Variants in SLAMF1 observed in about 807,000 individuals in gnomAD.
SLAMF1 encodes the protein signaling lymphocytic activation molecule.
A neutral mutation model predicts 35.1 loss-of-function variants in SLAMF1; 18 were observed. The observed-to-expected ratio is 0.51, with a 90% CI of 0.35 to 0.76. The LOEUF (loss-of-function observed/expected upper bound fraction) is 0.76. SLAMF1 is among the 30% of genes least tolerant of loss of function. The pLI is 0.01. For synonymous variants in SLAMF1, 168 were observed against 157.2 expected (o/e 1.07, Z -0.51); for missense variants, 392 against 413.0 (o/e 0.95, Z 0.44).
At chr1:160,641,409 G>A (rs1047389539) in intron 1 of SLAMF1, among the ~76,000 whole-genome samples, 1 of 151,930 alleles carries the variant, frequency 6.6e-6, no homozygotes, top group African/African-American at 2.4e-5. Context: ...TTCAGAACTT[G>A]GAGTTGATTG....
chr1:160,631,684 G>T (rs189919856), intron 3 of SLAMF1, among the ~76,000 whole-genome samples: 83 of 152,178 alleles, frequency 5.5e-4, no homozygotes, highest in African/African-American at 1.9e-3. Flanking sequence ...GAGAGAGAGA[G>T]ATCAGGGTGT....
At chr1:160,613,443 C>G (rs12402523) in intron 5 of SLAMF1, among the ~76,000 whole-genome samples, 1 of 152,108 alleles carries the variant, frequency 6.6e-6, no homozygotes, top group Admixed American at 6.5e-5. Context: ...TTACTTTGAA[C>G]GAATTAAAAT....
chr1:160,613,863 A>G (rs1659141976), intron 5 of SLAMF1, among the ~76,000 whole-genome samples: 1 of 152,272 alleles, frequency 6.6e-6, no homozygotes, highest in Non-Finnish European at 1.5e-5. Flanking sequence ...TTCTAATGGT[A>G]AAAGATGTTC....
At position 160,622,855 on chromosome 1, in the gene SLAMF1, G is replaced by C. The variant is rs532297574; in HGVS notation, c.790+1241C>G. Among the ~76,000 whole-genome samples the C allele has an allele frequency of 2.6e-5, 4 of 152,294 alleles. No individual in the cohort carries two copies. In the South Asian group the frequency reaches 8.3e-4, roughly 32 times the overall value. On this transcript the variant is annotated intron_variant, in intron 4 of 6. Transcript: ENST00000302035. ...GTCATGAAATTGAAAAGCCTTCAGCGTCAGGCTGCATTCTGATGATTATAG... is the reference window on the plus strand; with the variant it reads ...GTCATGAAATTGAAAAGCCTTCAGCCTCAGGCTGCATTCTGATGATTATAG...
Position 160,637,540 on chromosome 1 carries a change from G to C in SLAMF1, c.77-11C>G. 1.3e-6 allele frequency: 2 copies of C among 1,588,292 alleles called. No individual in the cohort carries two copies. The highest frequency in any genetic ancestry group is 4.5e-5 in the East Asian group (2 of 44,680). The stretch of plus-strand genomic sequence containing the variant: ...TCATCATGCGCCCACCTGTGGGAGG[G>C]AGGAGAAGAGAGTCCCTTATTATTA... On this transcript the variant is annotated splice_polypyrimidine_tract_variant and intron_variant, in intron 1 of 6. Coordinates refer to ENST00000302035, the MANE Select transcript of SLAMF1 (RefSeq NM_003037.5).
rs1015034227 is a variant in SLAMF1 at position 160,638,946 on chromosome 1, G to A, written c.77-1417C>T. Among the ~76,000 whole-genome samples, 7 of 152,072 alleles carry A rather than the reference G, an allele frequency of 4.6e-5. No individual in the cohort carries two copies. The South Asian group carries it at 6.2e-4, about 14-fold the overall frequency. On this transcript the variant is annotated intron_variant, in intron 1 of 6. Transcript: ENST00000302035. Reference sequence around the variant, plus strand: ...TAAATACTGGAGCATCTCAGTACTCGGAGTTCTCATTCTCATCCACACTCA... The same window carrying A: ...TAAATACTGGAGCATCTCAGTACTCAGAGTTCTCATTCTCATCCACACTCA...
intron 2 of SLAMF1, among the ~76,000 whole-genome samples, chr1:160,635,983 C>T (rs1380081549): frequency 2.6e-5 from 4 of 152,188 alleles, no homozygotes; most frequent in East Asian, 3.8e-4. Context: ...CTCACAGCTT[C>T]TAAGTGGCCA....
At chr1:160,633,153 C>G (rs1187958234) in intron 3 of SLAMF1, among the ~76,000 whole-genome samples, 1 of 152,176 alleles carries the variant, frequency 6.6e-6, no homozygotes, top group Non-Finnish European at 1.5e-5. Context: ...GTAAGCTACC[C>G]ACTATGCTGC....
Position 160,634,639 on chromosome 1 carries a change from C to G in SLAMF1, c.674G>C (p.Trp225Ser). 1 of 1,612,112 alleles carries G rather than the reference C, an allele frequency of 6.2e-7. No homozygotes were observed. Among genetic ancestry groups the G allele is most frequent in the Non-Finnish European group, 8.5e-7 (1 of 1,178,742 alleles). Reference sequence around the variant, plus strand: ...TGAGGGGTCTGTCCTGCATCCGGGCCACGGGCTGAAGGTCTGGGAATTGTT... The same window carrying G: ...TGAGGGGTCTGTCCTGCATCCGGGCGACGGGCTGAAGGTCTGGGAATTGTT... ...ISNNSQTFSPWPGCRTDPSET... is the reference protein window; with the variant it reads ...ISNNSQTFSPSPGCRTDPSET... The change falls in exon 3 of 7, where the codon TGG (tryptophan) becomes TCG (serine). Residue 225 changes from tryptophan to serine, a missense_variant. By Grantham distance (177) the Trp-to-Ser change is radical. Transcript: ENST00000302035.
At chr1:160,624,301 G>A in intron 3 of SLAMF1, 116 bp from the exon 4 acceptor site, 1 of 769,570 alleles carries the variant, frequency 1.3e-6, no homozygotes, top group South Asian at 1.6e-5. Flanking sequence ...TCTCCCAAGG[G>A]AGACGTTTGT....
chr1:160,610,933 G>A, intron 6 of SLAMF1, 135 bp from the exon 7 acceptor site: 2 of 701,674 alleles, frequency 2.9e-6, no homozygotes, highest in Non-Finnish European at 2.5e-6. Context: ...CACAGACAGG[G>A]CCTTGCTGGG....
In SLAMF1 at chr1:160,632,852, A is replaced by G. The variant is rs79951450; in HGVS notation, c.700+1761T>C. On this transcript the variant is annotated intron_variant, in intron 3 of 6. Transcript: ENST00000302035. ...TGCTTTATCTCTTTCACTAATGCCT[A>G]TGAGGCTTCCAGAATCAGAAAGCCT... 2.0e-3 allele frequency among the ~76,000 whole-genome samples: 299 copies of G among 152,296 alleles called. 7 individuals carry two copies. The East Asian group carries it at 0.054, about 27-fold the overall frequency.
At chr1:160,622,774 T>A (rs1558006330) in intron 4 of SLAMF1, among the ~76,000 whole-genome samples, 1 of 152,346 alleles carries the variant, frequency 6.6e-6, no homozygotes, top group South Asian at 2.1e-4. Flanking sequence ...GTTTGTCTAA[T>A]GCCTATACCC....
In SLAMF1 at chr1:160,637,455, T is replaced by C; in HGVS notation, c.151A>G (p.Arg51Gly). The part of the protein sequence containing the change: ...SKVLLPLTYE[R>G]INKSMNKSIH... ...CTTTTGTTCATGCTCTTATTTATCCTTTCATATGTCAGGGGCAGCAGCACT... is the reference window on the plus strand; with the variant it reads ...CTTTTGTTCATGCTCTTATTTATCCCTTCATATGTCAGGGGCAGCAGCACT... Residue 51 changes from arginine (R) to glycine (G), a missense_variant, in exon 2 of 7, where the codon AGG becomes GGG. Coordinates refer to ENST00000302035, the MANE Select transcript of SLAMF1 (RefSeq NM_003037.5). 6.2e-7 allele frequency: 1 copy of C among 1,614,144 alleles called. No homozygotes were observed. The highest frequency in any genetic ancestry group is 8.5e-7 in the Non-Finnish European group (1 of 1,180,018).
At chr1:160,620,157 T>G (rs561399114) in intron 4 of SLAMF1, among the ~76,000 whole-genome samples, 41 of 152,328 alleles carry the variant, frequency 2.7e-4, no homozygotes, top group African/African-American at 8.7e-4. Flanking sequence ...CCAATACGCA[T>G]TAGGTGTTTT....
At chr1:160,632,438 C>A (rs753482202) in intron 3 of SLAMF1, among the ~76,000 whole-genome samples, 3 of 152,178 alleles carry the variant, frequency 2.0e-5, no homozygotes, top group Non-Finnish European at 2.9e-5. Context: ...CAGCTTCCTA[C>A]TCAGTAAATC....
In SLAMF1 at chr1:160,614,530, C is replaced by T. The variant is rs182910561; in HGVS notation, c.865-1950G>A. 7.9e-4 allele frequency among the ~76,000 whole-genome samples: 119 copies of T among 150,268 alleles called. No individual in the cohort carries two copies. The East Asian group carries it at 0.014, about 17-fold the overall frequency. On this transcript the variant is annotated intron_variant, in intron 5 of 6. Transcript: ENST00000302035. Reference sequence around the variant, plus strand: ...TGGAGGTTGCAGTGAGCTGAGATGGCGCCACAGCACTCTAGCCTGGCGACA... The same window carrying T: ...TGGAGGTTGCAGTGAGCTGAGATGGTGCCACAGCACTCTAGCCTGGCGACA...
chr1:160,614,570 A>C (rs164282), intron 5 of SLAMF1, among the ~76,000 whole-genome samples: 58,800 of 135,214 alleles, frequency 0.43, 12,906 homozygotes, highest in East Asian at 0.67. Context: ...GAGACTCCGC[A>C]TCACCAAAAA....
rs1273713372 is a variant in SLAMF1, at chr1:160,642,837, G to T, written c.76+4033C>A. On this transcript the variant is annotated intron_variant, in intron 1 of 6. Coordinates refer to ENST00000302035, the MANE Select transcript of SLAMF1 (RefSeq NM_003037.5). The surrounding 1 kb of genome is among the most constrained non-coding windows in gnomAD (Gnocchi z 4.2). ...AACAGACAACTTGCCAAGAACACTTGAAACCCTTTACCTCTGCATTTGTGC... is the reference window on the plus strand; with the variant it reads ...AACAGACAACTTGCCAAGAACACTTTAAACCCTTTACCTCTGCATTTGTGC... Among the ~76,000 whole-genome samples the T allele has an allele frequency of 6.6e-6, 1 of 152,132 alleles. No individual in the cohort carries two copies. The highest frequency in any genetic ancestry group is 1.5e-5 in the Non-Finnish European group (1 of 68,036).
Sources: allele counts gnomAD v4.1 joint callset (sites outside exome capture counted in the v4.1 genomes callset), GRCh38; gene constraint gnomAD v4.1.1; non-coding constraint Gnocchi (gnomAD v3.1); transcripts MANE v1.5; gene names NCBI Gene and HGNC (gene_info 2026-07-23, HGNC 2026-07-21).